CDKAL1: variants seen among roughly 807,000 people sequenced by gnomAD.
The protein encoded by CDKAL1 is threonylcarbamoyladenosine tRNA methylthiotransferase.
Under a neutral mutation model 68.2 loss-of-function variants are expected in CDKAL1, and 32 were observed. That is an observed-to-expected ratio of 0.47 (90% confidence interval 0.35 to 0.63). CDKAL1 has a LOEUF of 0.63. CDKAL1 is among the 30% of genes least tolerant of loss of function. CDKAL1 has a pLI of 0.00. For synonymous variants in CDKAL1, 234 were observed against 244.3 expected (o/e 0.96, Z 0.39); for missense variants, 606 against 696.7 (o/e 0.87, Z 1.47).
intron 7 of CDKAL1, among the ~76,000 whole-genome samples, chr6:20,778,608 T>G (rs1425123805): frequency 6.6e-6 from 1 of 152,158 alleles, no homozygotes; most frequent in Admixed American, 6.5e-5. Flanking sequence ...CTCAGAGAGC[T>G]GATGTGTATG....
chr6:20,712,541 A>G (rs1311570973), intron 5 of CDKAL1, among the ~76,000 whole-genome samples: 1 of 151,994 alleles, frequency 6.6e-6, no homozygotes, highest in African/African-American at 2.4e-5. Flanking sequence ...AGAAAAGAAA[A>G]TTTAAAAAAA....
At chr6:20,937,753 C>T (rs113911066) in intron 9 of CDKAL1, among the ~76,000 whole-genome samples, 3,044 of 152,190 alleles carry the variant, frequency 0.02, 106 homozygotes, top group African/African-American at 0.069. Context: ...GTGATTGATA[C>T]GCACTTTTCA....
intron 13 of CDKAL1, among the ~76,000 whole-genome samples, chr6:21,184,135 A>AT (rs1388204771): frequency 6.6e-6 from 1 of 151,922 alleles, no homozygotes; most frequent in Non-Finnish European, 1.5e-5. Flanking sequence ...ATAGCATCAC[A>AT]TGACAGATAA....
intron 11 of CDKAL1, among the ~76,000 whole-genome samples, chr6:21,033,034 A>C (rs1163838746): frequency 6.6e-6 from 1 of 152,198 alleles, no homozygotes; most frequent in Non-Finnish European, 1.5e-5. Context: ...GGGATCCCCA[A>C]CATCTACTGT....
chr6:20,937,470 G>A (rs1396636860), intron 9 of CDKAL1, among the ~76,000 whole-genome samples: 1 of 152,134 alleles, frequency 6.6e-6, no homozygotes, highest in Non-Finnish European at 1.5e-5. Flanking sequence ...TATGTAATCT[G>A]CAGACCCTAT....
chr6:20,744,165 A>G (rs1773571382), intron 6 of CDKAL1, among the ~76,000 whole-genome samples: 2 of 152,184 alleles, frequency 1.3e-5, no homozygotes, highest in African/African-American at 4.8e-5. Context: ...TGTTAGCTGT[A>G]GATAGTTTCA....
At chr6:20,898,717 T>C (rs1761818750) in intron 9 of CDKAL1, among the ~76,000 whole-genome samples, 1 of 152,126 alleles carries the variant, frequency 6.6e-6, no homozygotes, top group Non-Finnish European at 1.5e-5. Flanking sequence ...AATTATTGAG[T>C]AAAATAATGT....
chr6:21,059,562 T>C (rs370215779), intron 11 of CDKAL1, among the ~76,000 whole-genome samples: 3 of 152,302 alleles, frequency 2.0e-5, no homozygotes, highest in East Asian at 1.9e-4. Context: ...CCTTGCCCCA[T>C]GCAGCTCCCA....
chr6:20,605,215 A>G (rs1250758270), intron 4 of CDKAL1, among the ~76,000 whole-genome samples: 1 of 152,234 alleles, frequency 6.6e-6, no homozygotes, highest in Non-Finnish European at 1.5e-5. Flanking sequence ...TTAATAGAAA[A>G]TAATACCAGC....
chr6:20,896,098 C>CTTTTTTTTTTTTTTTTTTTTTTTTTTTT (rs1291895133), intron 9 of CDKAL1, among the ~76,000 whole-genome samples: 7 of 104,128 alleles, frequency 6.7e-5, no homozygotes, highest in Non-Finnish European at 9.3e-5. Context: ...CTTTTCTTTT[C>CTTTTTTTTTTTTTTTTTTTTTTTTTTTT]TTTTCTTTTT....
intron 4 of CDKAL1, among the ~76,000 whole-genome samples, chr6:20,593,625 C>T (rs1051493157): frequency 2.0e-5 from 3 of 148,570 alleles, no homozygotes; most frequent in Non-Finnish European, 3.0e-5. Flanking sequence ...AAAAGAAACC[C>T]AGCTCCTGGA....
intron 15 of CDKAL1, among the ~76,000 whole-genome samples, chr6:21,222,813 C>T (rs1006851533): frequency 7.9e-5 from 12 of 152,036 alleles, no homozygotes; most frequent in African/African-American, 2.7e-4. Flanking sequence ...GAAGCTGCAC[C>T]GCAAGATGGG....
At chr6:20,918,965 A>C (rs1581829799) in intron 9 of CDKAL1, among the ~76,000 whole-genome samples, 2 of 152,244 alleles carry the variant, frequency 1.3e-5, no homozygotes, top group East Asian at 1.9e-4. Context: ...TTCTTCAGTC[A>C]AAACAAAGTG....
At chr6:20,649,212 G>T in intron 4 of CDKAL1, 81 bp from the exon 5 acceptor site, 2 of 892,630 alleles carry the variant, frequency 2.2e-6, no homozygotes, top group South Asian at 2.9e-5. Flanking sequence ...CTCCCCTACC[G>T]CAGCAATCCC....
chr6:20,541,265 C>G (rs967282137), intron 2 of CDKAL1, among the ~76,000 whole-genome samples: 1 of 152,182 alleles, frequency 6.6e-6, no homozygotes, highest in East Asian at 1.9e-4. Flanking sequence ...ATACCCACCT[C>G]AAACTGATTT....
intron 10 of CDKAL1, among the ~76,000 whole-genome samples, chr6:20,989,648 G>A (rs1208349174): frequency 6.6e-6 from 1 of 152,164 alleles, no homozygotes; most frequent in Non-Finnish European, 1.5e-5. Context: ...TTCTGTTGGT[G>A]TGTAGCAGTC....
chr6:20,552,252 G>A (rs1048530417), intron 4 of CDKAL1, among the ~76,000 whole-genome samples: 1 of 151,904 alleles, frequency 6.6e-6, no homozygotes, highest in East Asian at 1.9e-4. Flanking sequence ...GAGAGGATGA[G>A]GTGGCAGGAT....
chr6:20,712,150 G>C lies in CDKAL1; in HGVS notation c.372-27369G>C, dbSNP rs551942398. Among the ~76,000 whole-genome samples the C allele has an allele frequency of 3.0e-3, 452 of 152,260 alleles. 5 individuals carry two copies. Among genetic ancestry groups the C allele is most frequent in the African/African-American group, 0.01 (423 of 41,542 alleles). The stretch of plus-strand genomic sequence containing the variant: ...CTGAGTTGGCAAACAAAAGTGATGA[G>C]CTAATCATCTTGAGTAGAGGCCAGT... On this transcript the variant is annotated intron_variant, in intron 5 of 15. Coordinates refer to ENST00000274695, the MANE Select transcript of CDKAL1 (RefSeq NM_017774.3).
At chr6:21,067,844 G>C (rs994457774) in intron 12 of CDKAL1, among the ~76,000 whole-genome samples, 1 of 152,108 alleles carries the variant, frequency 6.6e-6, no homozygotes, top group African/African-American at 2.4e-5. Flanking sequence ...AAAAATGGTA[G>C]AAGCTCCATA....
Sources: allele counts gnomAD v4.1 joint callset (sites outside exome capture counted in the v4.1 genomes callset), GRCh38; gene constraint gnomAD v4.1.1; transcripts MANE v1.5; gene names NCBI Gene and HGNC (gene_info 2026-07-23, HGNC 2026-07-21).